ACSBG1: variants seen among roughly 807,000 people sequenced by gnomAD.
ACSBG1 encodes the protein long-chain-fatty-acid--CoA ligase ACSBG1.
Under a neutral mutation model 80.2 loss-of-function variants are expected in ACSBG1, and 39 were observed. That is an observed-to-expected ratio of 0.49 (90% CI 0.38 to 0.64). ACSBG1 has a LOEUF of 0.64. ACSBG1 is among the 30% of genes least tolerant of loss of function. The probability of loss-of-function intolerance (pLI) is 0.00; values close to 1 mark genes in which losing one functional copy is unlikely to be tolerated. For missense variants in ACSBG1, 828 were observed against 966.4 expected, an observed-to-expected ratio of 0.86 and a Z score of 1.90; for synonymous variants, 392 against 379.5, an observed-to-expected ratio of 1.03 and a Z score of -0.38.
intron 1 of ACSBG1, chr15:78,213,686 T>C (rs1379987239): frequency 1.3e-5 from 2 of 152,164 alleles, no homozygotes; most frequent in East Asian, 3.9e-4. Flanking sequence ...ATAAGAAGGG[T>C]GGGCGGCAGG....
At chr15:78,228,743 C>T (rs1307499986) in intron 1 of ACSBG1, among the ~76,000 whole-genome samples, 1 of 152,162 alleles carries the variant, frequency 6.6e-6, no homozygotes. Context: ...ACATGATAGT[C>T]CCAAATCTGC....
At chr15:78,216,459 G>C (rs78671957) in intron 1 of ACSBG1, among the ~76,000 whole-genome samples, 1 of 152,174 alleles carries the variant, frequency 6.6e-6, no homozygotes, top group African/African-American at 2.4e-5. Flanking sequence ...TCAAGGCCAA[G>C]GTGATAGGCA....
intron 2 of ACSBG1, among the ~76,000 whole-genome samples, chr15:78,198,464 A>C (rs540521510): frequency 1.3e-5 from 2 of 152,158 alleles, no homozygotes; most frequent in Non-Finnish European, 2.9e-5. Context: ...CTCCTGCCTC[A>C]GCCTCCCAAG....
intron 1 of ACSBG1, among the ~76,000 whole-genome samples, chr15:78,228,211 G>C (rs2075419089): frequency 6.6e-6 from 1 of 152,196 alleles, no homozygotes; most frequent in Admixed American, 6.5e-5. Flanking sequence ...CAAGGAGCCA[G>C]AATTGTCTGG....
intron 5 of ACSBG1, among the ~76,000 whole-genome samples, chr15:78,189,570 A>G (rs529699740): frequency 6.6e-6 from 1 of 152,094 alleles, no homozygotes; most frequent in Non-Finnish European, 1.5e-5. Flanking sequence ...CTATCGCAAG[A>G]ACAAAAAAAC....
chr15:78,179,482 A>C, intron 10 of ACSBG1, 68 bp downstream of exon 10: 1 of 1,442,584 alleles, frequency 6.9e-7, no homozygotes, highest in East Asian at 2.3e-5. Context: ...CAGGGCACTC[A>C]GCAGGCGGGC....
In ACSBG1 at chr15:78,179,664, G is replaced by C. The variant is rs2074920595; in HGVS notation, c.1370C>G (p.Ala457Gly). ...ACCCAGGAAGAAGTGCTGTGTCTCT[G>C]CCATCATGGGGGCCGCTCCATAGAA... is the stretch of plus-strand genomic sequence containing the variant. Reference protein sequence around the residue: ...KNFYGAAPMMAETQHFFLGLN... With the variant: ...KNFYGAAPMMGETQHFFLGLN... The change falls in exon 10 of 14, where the codon GCA becomes GGA. Residue 457 changes from alanine to glycine, a missense_variant. Coordinates refer to ENST00000258873, the MANE Select transcript of ACSBG1 (RefSeq NM_015162.5). The C allele has an allele frequency of 1.5e-5, 24 of 1,614,048 alleles. No homozygotes were observed. Among genetic ancestry groups the C allele is most frequent in the Non-Finnish European group, 1.9e-5 (22 of 1,180,042 alleles).
chr15:78,187,446 T>C (rs934514419), intron 5 of ACSBG1, among the ~76,000 whole-genome samples: 3 of 152,136 alleles, frequency 2.0e-5, no homozygotes, highest in Non-Finnish European at 4.4e-5. Context: ...GCAAACCAAA[T>C]CCAGCAGCAC....
At position 78,172,711 on chromosome 15, in the gene ACSBG1, G is replaced by C. The variant is rs531585059; in HGVS notation, c.2089+882C>G. 6.6e-6 allele frequency among the ~76,000 whole-genome samples: 1 copy of C among 152,218 alleles called. No individual in the cohort carries two copies. The highest frequency in any genetic ancestry group is 6.5e-5 in the Admixed American group (1 of 15,284). ...TAGACAATTGCATCTGGGTTCAGCCGTGATGGATTTGAGGGAATCACACTG... is the reference window on the plus strand; with the variant it reads ...TAGACAATTGCATCTGGGTTCAGCCCTGATGGATTTGAGGGAATCACACTG... On this transcript the variant is annotated intron_variant, in intron 13 of 13. Coordinates refer to ENST00000258873, the MANE Select transcript of ACSBG1 (RefSeq NM_015162.5). The surrounding 1 kb of genome is among the most constrained non-coding windows in gnomAD (Gnocchi z 4.1).
intron 1 of ACSBG1, chr15:78,209,133 C>T (rs767916902): frequency 7.9e-5 from 36 of 455,944 alleles, no homozygotes; most frequent in Middle Eastern, 3.4e-4. Flanking sequence ...CCCAGGAAGC[C>T]GGGCCAATTA....
In ACSBG1 at chr15:78,171,539, A is replaced by AAAT; in HGVS notation, c.2090-13_2090-11dup. The stretch of plus-strand genomic sequence containing the variant: ...AGTTTCATCGTGGGACCTAAAAGGG[A>AAAT]AATGAGAAGAAATGAGTGAGGCCCA... On this transcript the variant is annotated splice_polypyrimidine_tract_variant and intron_variant, in intron 13 of 13. Coordinates refer to ENST00000258873, the MANE Select transcript of ACSBG1 (RefSeq NM_015162.5). 2 of 1,607,128 alleles carry AAAT rather than the reference A, an allele frequency of 1.2e-6. No homozygotes were observed. Among genetic ancestry groups the AAAT allele is most frequent in the Non-Finnish European group, 1.7e-6 (2 of 1,173,592 alleles).
rs1215933161 is a variant in ACSBG1, at chr15:78,169,793, G to A, written c.*1651C>T. 3 of 152,212 alleles carry A rather than the reference G, an allele frequency of 2.0e-5. No individual in the cohort carries two copies. Among genetic ancestry groups the A allele is most frequent in the Non-Finnish European group, 4.4e-5 (3 of 68,038 alleles). 9.4% of individuals were successfully genotyped at this position (152,212 alleles called of 1,614,324 possible). On this transcript the variant is annotated 3_prime_UTR_variant, in exon 14 of 14. Transcript: ENST00000258873. ...GGATACATTTTCAGCATCATGAGTT[G>A]TCACAGCCTCTGAGCCCCTGATCTG...
intron 12 of ACSBG1, 70 bp downstream of exon 12, chr15:78,174,315 G>C: frequency 3.7e-6 from 6 of 1,604,966 alleles, no homozygotes; most frequent in Non-Finnish European, 5.1e-6. Flanking sequence ...GCTGAATGTG[G>C]CTTCTGCCAG....
At chr15:78,185,765 A>G (rs1595885047) in intron 5 of ACSBG1, among the ~76,000 whole-genome samples, 1 of 152,170 alleles carries the variant, frequency 6.6e-6, no homozygotes, top group East Asian at 1.9e-4. Flanking sequence ...AGCCAGAAAA[A>G]CAAAACACTA....
Position 78,189,873 on chromosome 15 carries a change from A to G in ACSBG1, c.663+3633T>C, listed in dbSNP as rs541115231. 3.9e-5 allele frequency among the ~76,000 whole-genome samples: 6 copies of G among 152,186 alleles called. No individual in the cohort carries two copies. In the South Asian group the frequency reaches 1.2e-3, roughly 32 times the overall value. ...TAAATTTAAAAAAGTAATTGGCAAT[A>G]ATAAGTTTTGGTCTGTACATTTCAT... On this transcript the variant is annotated intron_variant, in intron 5 of 13. Transcript: ENST00000258873.
rs536058281 is a variant in ACSBG1 at position 78,199,631 on chromosome 15, A to G, written c.233-4905T>C. ...TTAGCCATTCCACAAAGTAACGGGGACCACAGGTGCATGCCACCATTCCCA... is the reference window on the plus strand; with the variant it reads ...TTAGCCATTCCACAAAGTAACGGGGGCCACAGGTGCATGCCACCATTCCCA... On this transcript the variant is annotated intron_variant, in intron 2 of 13. Coordinates refer to ENST00000258873, the MANE Select transcript of ACSBG1 (RefSeq NM_015162.5). 5.3e-5 allele frequency among the ~76,000 whole-genome samples: 8 copies of G among 151,142 alleles called. No individual in the cohort carries two copies. In the South Asian group the frequency reaches 1.7e-3, roughly 32 times the overall value.
intron 5 of ACSBG1, among the ~76,000 whole-genome samples, chr15:78,192,072 G>A (rs1473545255): frequency 2.6e-5 from 4 of 152,164 alleles, no homozygotes; most frequent in Non-Finnish European, 5.9e-5. Context: ...ACAGAAGGAC[G>A]ACGACGTGAA....
At chr15:78,204,786 G>A (rs918854986) in intron 2 of ACSBG1, among the ~76,000 whole-genome samples, 5 of 152,202 alleles carry the variant, frequency 3.3e-5, no homozygotes, top group Admixed American at 6.5e-5. Flanking sequence ...AGCTTCTTGA[G>A]GACAAGCATT....
At chr15:78,196,861 T>C (rs1356987361) in intron 2 of ACSBG1, among the ~76,000 whole-genome samples, 2 of 148,660 alleles carry the variant, frequency 1.3e-5, no homozygotes, top group African/African-American at 5.0e-5. Context: ...AGCCCAGGAG[T>C]TCAAGACCAG....
Sources: allele counts gnomAD v4.1 joint callset (sites outside exome capture counted in the v4.1 genomes callset), GRCh38; gene constraint gnomAD v4.1.1; non-coding constraint Gnocchi (gnomAD v3.1); transcripts MANE v1.5; gene names NCBI Gene and HGNC (gene_info 2026-07-23, HGNC 2026-07-21).